PTPN13: variants seen among roughly 807,000 people sequenced by gnomAD.
The protein encoded by PTPN13 is protein tyrosine phosphatase non-receptor type 13.
Under a neutral mutation model 284.0 loss-of-function variants are expected in PTPN13, and 191 were observed. That is an observed-to-expected ratio of 0.67 (90% CI 0.60 to 0.76). The LOEUF is 0.76. PTPN13 is among the 30% of genes least tolerant of loss of function. PTPN13 has a pLI of 0.00. For synonymous variants in PTPN13, 986 were observed against 1,022.3 expected, an observed-to-expected ratio of 0.96 and a Z score of 0.68; for missense variants, 2,797 against 2,939.9, an observed-to-expected ratio of 0.95 and a Z score of 1.12.
At chr4:86,784,391 GA>G in intron 37 of PTPN13, 73 bp from the exon 38 acceptor site, 1 of 915,748 alleles carries the variant, frequency 1.1e-6, no homozygotes, top group Non-Finnish European at 1.7e-6. Context: ...AGAGGAGAGA[GA>G]CAATGTGCAG....
At chr4:86,597,027 C>G (rs1763875164) in intron 1 of PTPN13, among the ~76,000 whole-genome samples, 1 of 152,060 alleles carries the variant, frequency 6.6e-6, no homozygotes, top group Non-Finnish European at 1.5e-5. Context: ...CTGTTTGCCT[C>G]TGATGCAACC....
At chr4:86,664,645 C>T (rs1419285654) in intron 2 of PTPN13, among the ~76,000 whole-genome samples, 1 of 152,108 alleles carries the variant, frequency 6.6e-6, no homozygotes. Context: ...GTTACAAAAA[C>T]TTTTTTTCAG....
intron 3 of PTPN13, among the ~76,000 whole-genome samples, chr4:86,680,353 CTA>C (rs1204725198): frequency 3.0e-4 from 37 of 121,724 alleles, no homozygotes; most frequent in African/African-American, 1.1e-3. Flanking sequence ...CTATCTCTAT[CTA>C]TCTATCTATC....
intron 1 of PTPN13, among the ~76,000 whole-genome samples, chr4:86,602,740 G>A (rs1016661797): frequency 6.6e-6 from 1 of 150,814 alleles, no homozygotes; most frequent in African/African-American, 2.4e-5. Context: ...TCAGGCTGGA[G>A]TGTAGTGACC....
intron 2 of PTPN13, among the ~76,000 whole-genome samples, chr4:86,644,101 C>T (rs950141216): frequency 6.6e-6 from 1 of 151,546 alleles, no homozygotes; most frequent in Non-Finnish European, 1.5e-5. Flanking sequence ...ATAGACAACC[C>T]GAATTGTCCT....
intron 36 of PTPN13, among the ~76,000 whole-genome samples, chr4:86,781,928 A>G: frequency 6.7e-6 from 1 of 150,348 alleles, no homozygotes; most frequent in Admixed American, 6.7e-5. Flanking sequence ...GCACCACTGC[A>G]CTCCAGCCTG....
rs78410401 is a variant in PTPN13 at position 86,632,052 on chromosome 4, A to T, written c.-5-3200A>T. ...TTGTTCTCCTTCCTTTTGTCCTTCC[A>T]TCCTTCCTTATATCACCAGAGGAAG... On this transcript the variant is annotated intron_variant, in intron 1 of 47. Transcript: ENST00000411767. Among the ~76,000 whole-genome samples the T allele has an allele frequency of 5.0e-3, 755 of 151,944 alleles. 11 individuals carry two copies. The highest frequency in any genetic ancestry group is 0.017 in the African/African-American group (702 of 41,462).
intron 45 of PTPN13, among the ~76,000 whole-genome samples, chr4:86,809,313 T>A (rs925799208): frequency 6.6e-6 from 1 of 152,238 alleles, no homozygotes; most frequent in African/African-American, 2.4e-5. Flanking sequence ...GCCTTCCATG[T>A]TTTTCTTAAT....
chr4:86,764,541 A>T, intron 24 of PTPN13, 52 bp from the exon 25 acceptor site: 1 of 1,305,504 alleles, frequency 7.7e-7, no homozygotes, highest in Non-Finnish European at 1.0e-6. Flanking sequence ...AAGAAAAATT[A>T]TAATTCATTT....
chr4:86,683,725 A>C (rs1729147579), intron 3 of PTPN13, among the ~76,000 whole-genome samples: 1 of 152,192 alleles, frequency 6.6e-6, no homozygotes, highest in Non-Finnish European at 1.5e-5. Flanking sequence ...AGTTTTAAGA[A>C]TGTTTTATTA....
At chr4:86,676,107 C>G (rs1728248157) in intron 3 of PTPN13, among the ~76,000 whole-genome samples, 1 of 152,156 alleles carries the variant, frequency 6.6e-6, no homozygotes, top group Non-Finnish European at 1.5e-5. Context: ...TGCCCTTAAT[C>G]ACACTATACC....
intron 24 of PTPN13, 84 bp downstream of exon 24, chr4:86,763,274 A>C: frequency 2.7e-6 from 3 of 1,111,430 alleles, no homozygotes; most frequent in Non-Finnish European, 3.9e-6. Flanking sequence ...AATAATCTAC[A>C]AGATGCTTTC....
chr4:86,719,985 T>C (rs547582782), intron 9 of PTPN13, among the ~76,000 whole-genome samples: 6 of 152,310 alleles, frequency 3.9e-5, no homozygotes, highest in African/African-American at 9.6e-5. Context: ...TAAGCCAATA[T>C]TGAATTGCAC....
rs567780517 is a variant in PTPN13 at position 86,728,715 on chromosome 4, T to G, written c.1609-3685T>G. On this transcript the variant is annotated intron_variant, in intron 10 of 47. Coordinates refer to ENST00000411767, the MANE Select transcript of PTPN13 (RefSeq NM_080683.3). ...CTTGGTAGATCTTCCTATGTCCCTT[T>G]ATTTTGAGCCTATGTGTTTCTCTGC... Among the ~76,000 whole-genome samples, 56 of 138,402 alleles carry G rather than the reference T, an allele frequency of 4.0e-4. 3 individuals carry two copies. The highest frequency in any genetic ancestry group is 1.4e-3 in the African/African-American group (56 of 38,676). 90.8% of individuals were successfully genotyped at this position (138,402 alleles called of 152,430 possible). A position where few individuals can be genotyped will look rare whatever the true frequency, so the allele number is the denominator to read the frequency against.
chr4:86,606,294 GC>G (rs1332322346), intron 1 of PTPN13, among the ~76,000 whole-genome samples: 1 of 151,730 alleles, frequency 6.6e-6, no homozygotes, highest in Non-Finnish European at 1.5e-5. Context: ...TTTAAAATGA[GC>G]CACCTACACT....
rs1355904883 is a variant in PTPN13 at position 86,750,888 on chromosome 4, G to A, written c.3068+1G>A. 6.2e-7 allele frequency: 1 copy of A among 1,611,424 alleles called. No individual in the cohort carries two copies. Among genetic ancestry groups the A allele is most frequent in the Non-Finnish European group, 8.5e-7 (1 of 1,178,692 alleles). On this transcript the variant is annotated splice_donor_variant, in intron 18 of 47. Coordinates refer to ENST00000411767, the MANE Select transcript of PTPN13 (RefSeq NM_080683.3). LOFTEE classifies it high-confidence loss of function. ...TGGCAGGAGTGACAAAACTTAATAA[G>A]TAAGAACATATTAACTAACCCAATT...
chr4:86,639,232 C>G (rs1030444760), intron 2 of PTPN13, among the ~76,000 whole-genome samples: 3 of 151,828 alleles, frequency 2.0e-5, no homozygotes, highest in Non-Finnish European at 2.9e-5. Flanking sequence ...GTTGGTGGGA[C>G]TGTAAACTAG....
chr4:86,814,533 GCCTCAGCTTCTGA>G lies in PTPN13; in HGVS notation c.7441_7453del (p.Pro2481SerfsTer27). 6.2e-7 allele frequency: 1 copy of G among 1,611,640 alleles called. No individual in the cohort carries two copies. The highest frequency in any genetic ancestry group is 8.5e-7 in the Non-Finnish European group (1 of 1,178,288). On this transcript the variant is annotated frameshift_variant, in exon 48 of 48. Transcript: ENST00000411767. LOFTEE classifies it high-confidence loss of function. ...AAGCAGAAGAAGAGCAAAAACAGCAGCCTCAGCTTCTGAAGTGACATGAAAAGAGCCTCTGGAT... is the reference window on the plus strand; with the variant it reads ...AAGCAGAAGAAGAGCAAAAACAGCAGAGTGACATGAAAAGAGCCTCTGGAT...
intron 18 of PTPN13, 49 bp from the exon 19 acceptor site, chr4:86,750,976 CAT>C (rs1435579833): frequency 7.1e-6 from 11 of 1,558,618 alleles, no homozygotes; most frequent in Non-Finnish European, 9.6e-6. Flanking sequence ...TTATTTTCAC[CAT>C]ATTTTTTTAC....
Sources: allele counts gnomAD v4.1 joint callset (sites outside exome capture counted in the v4.1 genomes callset), GRCh38; gene constraint gnomAD v4.1.1; transcripts MANE v1.5; gene names NCBI Gene and HGNC (gene_info 2026-07-23, HGNC 2026-07-21).